Variants in RNF150 observed in about 807,000 individuals in gnomAD.
RNF150 encodes the protein ring finger protein 150.
Under a neutral mutation model 39.3 loss-of-function variants are expected in RNF150, and 24 were observed. That is an observed-to-expected ratio of 0.61 (90% CI 0.44 to 0.86). The LOEUF (loss-of-function observed/expected upper bound fraction) is 0.86. RNF150 is among the 40% of genes least tolerant of loss of function. The probability of loss-of-function intolerance (pLI) is 0.00; values close to 1 mark genes in which losing one functional copy is unlikely to be tolerated. For missense variants in RNF150, 502 were observed against 587.8 expected (o/e 0.85, Z 1.51); for synonymous variants, 255 against 227.3 (o/e 1.12, Z -1.10).
At chr4:140,949,433 A>G in intron 2 of RNF150, 61 bp from the exon 3 acceptor site, 1 of 1,346,114 alleles carries the variant, frequency 7.4e-7, no homozygotes, top group Non-Finnish European at 1.1e-6. Context: ...TTCATTTCTG[A>G]TATCATTTAA....
chr4:140,990,796 T>A (rs138454548), intron 1 of RNF150, among the ~76,000 whole-genome samples: 2,347 of 152,286 alleles, frequency 0.015, 58 homozygotes, highest in African/African-American at 0.054. Context: ...GCAATGAACA[T>A]ACGTGTGCAT....
At chr4:141,064,262 C>G (rs1350580623) in intron 1 of RNF150, among the ~76,000 whole-genome samples, 1 of 152,210 alleles carries the variant, frequency 6.6e-6, no homozygotes, top group East Asian at 1.9e-4. Context: ...AAGGTGAGAT[C>G]TGAACGTCGT....
intron 1 of RNF150, among the ~76,000 whole-genome samples, chr4:141,048,823 G>A (rs2110883155): frequency 6.6e-6 from 1 of 152,270 alleles, no homozygotes; most frequent in East Asian, 1.9e-4. Flanking sequence ...AAGATATATT[G>A]CCTAGTAGCT....
Position 140,911,184 on chromosome 4 carries a change from G to T in RNF150, c.1158C>A (p.Asp386Glu), listed in dbSNP as rs758676049. 5.0e-6 allele frequency: 8 copies of T among 1,614,054 alleles called. No homozygotes were observed. The African/African-American group carries it at 5.3e-5, about 11-fold the overall frequency. ...TGACGTCTCCCTCCTGGGGGATGGG[G>T]TCTGTATCCTGGACCACCTGCAAGG... ...VGALQVVQDT[D>E]PIPQEGDVIF... The change falls in exon 6 of 7, where the codon GAC becomes GAA. Residue 386 changes from aspartate to glutamate, a missense_variant. Transcript: ENST00000515673.
intron 6 of RNF150, among the ~76,000 whole-genome samples, chr4:140,883,979 T>A (rs913056261): frequency 6.6e-6 from 1 of 151,998 alleles, no homozygotes; most frequent in Non-Finnish European, 1.5e-5. Flanking sequence ...TACTTCACTT[T>A]TTTTTTTTGC....
intron 1 of RNF150, among the ~76,000 whole-genome samples, chr4:141,190,291 C>G (rs147353195): frequency 6.6e-6 from 1 of 152,206 alleles, no homozygotes; most frequent in South Asian, 2.1e-4. Context: ...CCAGATCCCC[C>G]AATCAGTCGA....
intron 1 of RNF150, among the ~76,000 whole-genome samples, chr4:140,976,944 C>A (rs140319467): frequency 6.6e-6 from 1 of 152,042 alleles, no homozygotes. Context: ...ACTCACTCCC[C>A]CTTTGTCCAA....
At chr4:141,110,663 T>C (rs1739358624) in intron 1 of RNF150, among the ~76,000 whole-genome samples, 3 of 151,834 alleles carry the variant, frequency 2.0e-5, no homozygotes, top group Admixed American at 1.3e-4. Context: ...TCCTGCCACC[T>C]TGGCCTCCCA....
At chr4:141,088,678 TACACACACAC>T (rs60239559) in intron 1 of RNF150, among the ~76,000 whole-genome samples, 110 of 146,612 alleles carry the variant, frequency 7.5e-4, no homozygotes, top group African/African-American at 2.7e-3. Context: ...ACTTTGCTTT[TACACACACAC>T]ACACACACAC....
At chr4:141,033,664 T>C (rs1736036255) in intron 1 of RNF150, among the ~76,000 whole-genome samples, 2 of 152,214 alleles carry the variant, frequency 1.3e-5, no homozygotes, top group Admixed American at 6.5e-5. Flanking sequence ...AAATTACTCC[T>C]TGATCCACTG....
intron 1 of RNF150, among the ~76,000 whole-genome samples, chr4:140,991,615 T>C (rs1734200317): frequency 6.6e-6 from 1 of 152,172 alleles, no homozygotes; most frequent in African/African-American, 2.4e-5. Flanking sequence ...TCACTGGAAA[T>C]ACAGAACACT....
At chr4:141,177,534 C>A (rs1162601914) in intron 1 of RNF150, among the ~76,000 whole-genome samples, 11 of 151,698 alleles carry the variant, frequency 7.3e-5, no homozygotes, top group African/African-American at 2.7e-4. Context: ...TAATATCAAG[C>A]CTGAAACTAT....
chr4:141,108,965 T>C (rs1421104141), intron 1 of RNF150, among the ~76,000 whole-genome samples: 1 of 152,204 alleles, frequency 6.6e-6, no homozygotes, highest in Non-Finnish European at 1.5e-5. Context: ...ATTTTGGGCA[T>C]ATTGCTTGAA....
chr4:141,006,092 T>C (rs1734859795), intron 1 of RNF150, among the ~76,000 whole-genome samples: 1 of 151,818 alleles, frequency 6.6e-6, no homozygotes, highest in Non-Finnish European at 1.5e-5. Flanking sequence ...AAAGACATAT[T>C]TTAAAAGAAT....
At chr4:140,923,836 C>A (rs1731266681) in intron 5 of RNF150, among the ~76,000 whole-genome samples, 1 of 152,104 alleles carries the variant, frequency 6.6e-6, no homozygotes, top group Non-Finnish European at 1.5e-5. Flanking sequence ...ATGGATGAAG[C>A]TAGAAACCAT....
At chr4:140,995,529 G>C (rs530776472) in intron 1 of RNF150, among the ~76,000 whole-genome samples, 1 of 152,228 alleles carries the variant, frequency 6.6e-6, no homozygotes, top group Non-Finnish European at 1.5e-5. Context: ...GCCATTCTAG[G>C]GAATGGTAAA....
At chr4:140,961,899 T>C (rs1733040729) in intron 2 of RNF150, among the ~76,000 whole-genome samples, 1 of 152,080 alleles carries the variant, frequency 6.6e-6, no homozygotes, top group African/African-American at 2.4e-5. Context: ...AAGCTAGATC[T>C]ACCTGCAGAA....
chr4:141,078,900 CACATACATATATACACATATATAT>C (rs1387542570), intron 1 of RNF150, among the ~76,000 whole-genome samples: 5 of 142,308 alleles, frequency 3.5e-5, no homozygotes, highest in African/African-American at 1.4e-4. Context: ...CATATATATA[CACATACATATATACACATATATAT>C]ACATATATAT....
chr4:141,128,109 T>C (rs987849444), intron 1 of RNF150, among the ~76,000 whole-genome samples: 1 of 152,192 alleles, frequency 6.6e-6, no homozygotes, highest in Non-Finnish European at 1.5e-5. Context: ...TAAGGAGTTC[T>C]TTCCCAAGGC....
Sources: allele counts gnomAD v4.1 joint callset (sites outside exome capture counted in the v4.1 genomes callset), GRCh38; gene constraint gnomAD v4.1.1; transcripts MANE v1.5; gene names NCBI Gene and HGNC (gene_info 2026-07-23, HGNC 2026-07-21).